The following CFAP54 variants were observed in gnomAD, a reference collection of about 807,000 sequenced individuals.
CFAP54 encodes cilia and flagella associated protein 54.
Under a neutral mutation model 370.4 loss-of-function variants are expected in CFAP54, and 290 were observed. The observed-to-expected ratio is 0.78, with a 90% CI of 0.71 to 0.86. The LOEUF (loss-of-function observed/expected upper bound fraction) is 0.86, where lower values mean the gene tolerates loss of function less well. Ranked by LOEUF, CFAP54 falls within the 40% of genes least tolerant of loss-of-function variation. CFAP54 has a pLI of 0.00. For missense variants in CFAP54, 3,399 were observed against 3,528.7 expected, an observed-to-expected ratio of 0.96 and a Z score of 0.93; for synonymous variants, 1,206 against 1,236.5, an observed-to-expected ratio of 0.98 and a Z score of 0.52.
chr12:96,650,131 G>A, intron 35 of CFAP54, 59 bp downstream of exon 35: 1 of 1,396,922 alleles, frequency 7.2e-7, no homozygotes. Flanking sequence ...CACCAACTTG[G>A]GCGTTTAAGA....
intron 9 of CFAP54, among the ~76,000 whole-genome samples, chr12:96,533,259 C>T (rs1026366400): frequency 1.7e-4 from 26 of 152,020 alleles, no homozygotes; most frequent in Non-Finnish European, 3.1e-4. Flanking sequence ...CGCCAATAAG[C>T]CTGGCTAGTC....
chr12:96,798,892 C>T (rs1958792535), intron 63 of CFAP54, among the ~76,000 whole-genome samples: 1 of 152,122 alleles, frequency 6.6e-6, no homozygotes, highest in Non-Finnish European at 1.5e-5. Flanking sequence ...TTTCAACATT[C>T]TGCAGAAAAG....
chr12:96,769,413 G>A (rs138645601), intron 60 of CFAP54, among the ~76,000 whole-genome samples: 7 of 152,324 alleles, frequency 4.6e-5, no homozygotes, highest in South Asian at 2.1e-4. Context: ...CCATGCTGAG[G>A]TCGGAGGGGT....
intron 63 of CFAP54, among the ~76,000 whole-genome samples, chr12:96,798,288 G>T (rs1352006572): frequency 1.3e-5 from 2 of 151,822 alleles, no homozygotes; most frequent in South Asian, 2.1e-4. Flanking sequence ...ATTTCCTTTG[G>T]TGAGGATCTT....
chr12:96,608,576 C>G (rs1449295561), intron 26 of CFAP54, among the ~76,000 whole-genome samples: 1 of 150,702 alleles, frequency 6.6e-6, no homozygotes, highest in Non-Finnish European at 1.5e-5. Context: ...ATTCTCATGC[C>G]TCAGCCTCCT....
At chr12:96,842,362 G>A (rs1167166163) in intron 66 of CFAP54, among the ~76,000 whole-genome samples, 2 of 152,164 alleles carry the variant, frequency 1.3e-5, no homozygotes, top group Admixed American at 6.5e-5. Context: ...AATATTGACA[G>A]TGATACAATC....
At chr12:96,819,934 C>T (rs1369861811) in intron 65 of CFAP54, among the ~76,000 whole-genome samples, 1 of 152,194 alleles carries the variant, frequency 6.6e-6, no homozygotes, top group East Asian at 1.9e-4. Context: ...GGTTGAGTTC[C>T]CAGCTACTTG....
At chr12:96,862,805 G>T (rs1229481758) in intron 67 of CFAP54, among the ~76,000 whole-genome samples, 2 of 152,132 alleles carry the variant, frequency 1.3e-5, no homozygotes, top group Non-Finnish European at 2.9e-5. Flanking sequence ...CTGAGGCTGG[G>T]GTTTACACGT....
intron 32 of CFAP54, among the ~76,000 whole-genome samples, chr12:96,642,320 G>C (rs1273869593): frequency 1.3e-5 from 2 of 152,102 alleles, no homozygotes; most frequent in African/African-American, 2.4e-5. Flanking sequence ...TTAGTGAGAA[G>C]TGGTATTTAT....
intron 30 of CFAP54, among the ~76,000 whole-genome samples, chr12:96,628,116 A>G (rs1348818023): frequency 6.6e-6 from 1 of 152,176 alleles, no homozygotes; most frequent in Non-Finnish European, 1.5e-5. Flanking sequence ...GGTACCAGCT[A>G]GGTTTGCATA....
chr12:96,490,772 A>G (rs7969131), intron 1 of CFAP54, among the ~76,000 whole-genome samples: 2,749 of 148,474 alleles, frequency 0.019, 104 homozygotes, highest in African/African-American at 0.066. Context: ...CACATACTGT[A>G]TATCAAGTGC....
chr12:96,652,726 C>T lies in CFAP54; in HGVS notation c.5100+911C>T, dbSNP rs80338385. On this transcript the variant is annotated intron_variant, in intron 36 of 67. Transcript: ENST00000524981. ...TGTCTGACTGGATAAAAAAGCAAGA[C>T]ACATGTACCCGTCTACCAGGAGAAG... Among the ~76,000 whole-genome samples the T allele has an allele frequency of 4.7e-3, 721 of 152,192 alleles. 4 individuals carry two copies. The highest frequency in any genetic ancestry group is 0.016 in the African/African-American group (682 of 41,538).
At chr12:96,609,499 T>A (rs1179709818) in intron 26 of CFAP54, among the ~76,000 whole-genome samples, 1 of 152,192 alleles carries the variant, frequency 6.6e-6, no homozygotes, top group Non-Finnish European at 1.5e-5. Context: ...GGCAATTTTC[T>A]GGAGCCATTT....
intron 50 of CFAP54, among the ~76,000 whole-genome samples, chr12:96,738,629 TGAA>T (rs1958009654): frequency 7.9e-6 from 1 of 127,344 alleles, no homozygotes; most frequent in African/African-American, 2.9e-5. Context: ...TTTTTTTTTT[TGAA>T]ACGGGGTCTC....
At chr12:96,717,930 AAT>A (rs1957703852) in intron 48 of CFAP54, among the ~76,000 whole-genome samples, 1 of 152,220 alleles carries the variant, frequency 6.6e-6, no homozygotes, top group Admixed American at 6.5e-5. Context: ...TCAGCCTTCT[AAT>A]ATATGACATT....
chr12:96,521,851 A>G lies in CFAP54; in HGVS notation c.943-6A>G. 2 of 1,510,128 alleles carry G rather than the reference A, an allele frequency of 1.3e-6. No individual in the cohort carries two copies. The highest frequency in any genetic ancestry group is 1.7e-4 in the Middle Eastern group (1 of 5,940). The allele number at this position is 1,510,128 out of a possible 1,614,324, so 93.5% of individuals were successfully genotyped here. On this transcript the variant is annotated splice_polypyrimidine_tract_variant and splice_region_variant and intron_variant, in intron 6 of 67. Coordinates refer to ENST00000524981, the MANE Select transcript of CFAP54 (RefSeq NM_001306084.2). ...TATGAATTAAATTTATTTTAATCAC[A>G]TGTAGGCATTTGCTCGGCGTGCTTT...
At chr12:96,732,362 C>T (rs1482681107) in intron 50 of CFAP54, among the ~76,000 whole-genome samples, 1 of 152,008 alleles carries the variant, frequency 6.6e-6, no homozygotes, top group African/African-American at 2.4e-5. Context: ...AAACTTCTGA[C>T]CTCAAGAGAT....
chr12:96,569,632 C>T (rs921921665), intron 19 of CFAP54, among the ~76,000 whole-genome samples: 6 of 152,190 alleles, frequency 3.9e-5, no homozygotes, highest in African/African-American at 1.4e-4. Flanking sequence ...GGAACCTAAA[C>T]AAATCTGTAG....
chr12:96,596,044 T>C (rs951669078), intron 25 of CFAP54, among the ~76,000 whole-genome samples: 1 of 152,166 alleles, frequency 6.6e-6, no homozygotes. Context: ...AGAAAGTTCA[T>C]ATCCTTTCAC....
Sources: allele counts gnomAD v4.1 joint callset (sites outside exome capture counted in the v4.1 genomes callset), GRCh38; gene constraint gnomAD v4.1.1; transcripts MANE v1.5; gene names NCBI Gene and HGNC (gene_info 2026-07-23, HGNC 2026-07-21).